IFT22: variants seen among roughly 807,000 people sequenced by gnomAD.
The protein encoded by IFT22 is intraflagellar transport 22, also known as intraflagellar transport protein 22 homolog.
IFT22 carries 13 observed loss-of-function variants against 21.0 expected under a neutral mutation model. That is an observed-to-expected ratio of 0.62 (90% CI 0.40 to 0.98). IFT22 has a LOEUF of 0.98. Among genes scored for constraint, IFT22 ranks in the 50% least tolerant of loss-of-function variants. IFT22 has a pLI of 0.00. For synonymous variants in IFT22, 67 were observed against 82.4 expected, an observed-to-expected ratio of 0.81 and a Z score of 1.01; for missense variants, 227 against 228.9, an observed-to-expected ratio of 0.99 and a Z score of 0.06.
rs900837731 is a variant in IFT22 at position 101,311,282 on chromosome 7, C to A, written c.*3852G>T. On this transcript the variant is annotated 3_prime_UTR_variant, in exon 5 of 5. Transcript: ENST00000315322. ...CTGGGATTACAGGCGTGAGCCACTG[C>A]GCCTGGCCTTGGGTTGTTATACTGG... Among the ~76,000 whole-genome samples the A allele has an allele frequency of 6.6e-6, 1 of 152,068 alleles. No homozygotes were observed. Among genetic ancestry groups the A allele is most frequent in the Non-Finnish European group, 1.5e-5 (1 of 68,024 alleles).
At chr7:101,319,263 C>T (rs1790258560) in intron 1 of IFT22, among the ~76,000 whole-genome samples, 1 of 152,068 alleles carries the variant, frequency 6.6e-6, no homozygotes, top group Non-Finnish European at 1.5e-5. Context: ...TTTTTTGAGA[C>T]AGAGTTTCAC....
chr7:101,320,120 C>T (rs536859062), intron 1 of IFT22, among the ~76,000 whole-genome samples: 16 of 151,840 alleles, frequency 1.1e-4, no homozygotes, highest in Non-Finnish European at 1.6e-4. Context: ...CCAAGCCCAG[C>T]GAATTTTTGT....
In IFT22 at chr7:101,314,752, G is replaced by C. The variant is rs904820236; in HGVS notation, c.*382C>G. 2 of 188,194 alleles carry C rather than the reference G, an allele frequency of 1.1e-5. No homozygotes were observed. The highest frequency in any genetic ancestry group is 2.2e-5 in the Non-Finnish European group (2 of 91,298). 11.7% of individuals were successfully genotyped at this position (188,194 alleles called of 1,614,324 possible). Reference sequence around the variant, plus strand: ...TGCTCAGCCAGTCGGTATTTGTTGGGTGAATCAAGGAATGAAAATCACATT... The same window carrying C: ...TGCTCAGCCAGTCGGTATTTGTTGGCTGAATCAAGGAATGAAAATCACATT... On this transcript the variant is annotated 3_prime_UTR_variant, in exon 5 of 5. Coordinates refer to ENST00000315322, the MANE Select transcript of IFT22 (RefSeq NM_022777.4).
intron 1 of IFT22, 34 bp downstream of exon 1, chr7:101,321,637 C>A: frequency 6.3e-7 from 1 of 1,579,832 alleles, no homozygotes; most frequent in South Asian, 1.1e-5. Flanking sequence ...AGGCCTGCTC[C>A]CCGCTCCCTC....
intron 2 of IFT22, 136 bp downstream of exon 2, chr7:101,318,820 G>T: frequency 3.1e-6 from 2 of 644,132 alleles, no homozygotes; most frequent in Non-Finnish European, 2.8e-6. Flanking sequence ...ATTTTTAGTT[G>T]AGACGGGGTC....
chr7:101,316,144 G>T, intron 4 of IFT22, 196 bp downstream of exon 4: 1 of 569,678 alleles, frequency 1.8e-6, no homozygotes, highest in South Asian at 2.1e-5. Flanking sequence ...GAGTACAGGC[G>T]CCTGCCATCA....
intron 1 of IFT22, among the ~76,000 whole-genome samples, chr7:101,319,690 C>T (rs1385046263): frequency 1.4e-5 from 2 of 138,220 alleles, no homozygotes; most frequent in Non-Finnish European, 3.0e-5. Context: ...GTTGCCCAGG[C>T]TGGAGTACAG....
chr7:101,317,606 T>C (rs1294292845), intron 3 of IFT22, among the ~76,000 whole-genome samples: 2 of 152,046 alleles, frequency 1.3e-5, no homozygotes, highest in East Asian at 3.9e-4. Flanking sequence ...ACCTAATCAC[T>C]AAAGTGTATA....
At position 101,312,817 on chromosome 7, in the gene IFT22, G is replaced by A. The variant is rs1211896981; in HGVS notation, c.*2317C>T. On this transcript the variant is annotated 3_prime_UTR_variant, in exon 5 of 5. Coordinates refer to ENST00000315322, the MANE Select transcript of IFT22 (RefSeq NM_022777.4). ...CCCAAAGTGCTGGGATTACAGGTGT[G>A]AGCCACTCCACTCGGCACTTTTTTC... Among the ~76,000 whole-genome samples the A allele has an allele frequency of 1.3e-5, 2 of 151,604 alleles. No homozygotes were observed. The highest frequency in any genetic ancestry group is 4.8e-5 in the African/African-American group (2 of 41,244).
chr7:101,320,118 A>T (rs1406245970), intron 1 of IFT22, among the ~76,000 whole-genome samples: 1 of 151,206 alleles, frequency 6.6e-6, no homozygotes, highest in Non-Finnish European at 1.5e-5. Context: ...CACCAAGCCC[A>T]GCGAATTTTT....
At chr7:101,320,557 CCTTTTTTT>C in intron 1 of IFT22, among the ~76,000 whole-genome samples, 1 of 130,138 alleles carries the variant, frequency 7.7e-6, no homozygotes, top group South Asian at 2.4e-4. Flanking sequence ...CCGCGCCCGG[CCTTTTTTT>C]TTTTTTTTTT....
In IFT22 at chr7:101,310,988, A is replaced by AT; in HGVS notation, c.*4145_*4146insA. On this transcript the variant is annotated 3_prime_UTR_variant, in exon 5 of 5. Transcript: ENST00000315322. ...TCAGGTGAACAAAATCTGCTGGGTT[A>AT]ATTTTTTTTTTTTTTTTTTTTTTGA... The AT allele has an allele frequency of 2.6e-5, 7 of 264,568 alleles. No individual in the cohort carries two copies. The highest frequency in any genetic ancestry group is 7.2e-5 in the South Asian group (2 of 27,946). 16.4% of individuals were successfully genotyped at this position (264,568 alleles called of 1,614,324 possible).
rs564330193 is a variant in IFT22 at position 101,311,253 on chromosome 7, A to C, written c.*3881T>G. On this transcript the variant is annotated 3_prime_UTR_variant, in exon 5 of 5. Transcript: ENST00000315322. ...TAATCCACCCGCCTCGGCCTCCCAA[A>C]GTGCTGGGATTACAGGCGTGAGCCA... 2.0e-5 allele frequency among the ~76,000 whole-genome samples: 3 copies of C among 152,166 alleles called. No individual in the cohort carries two copies. In the South Asian group the frequency reaches 6.2e-4, roughly 32 times the overall value.
At chr7:101,320,805 C>A (rs1044980956) in intron 1 of IFT22, among the ~76,000 whole-genome samples, 4 of 151,566 alleles carry the variant, frequency 2.6e-5, no homozygotes, top group Admixed American at 6.6e-5. Context: ...GAGTTGGAGA[C>A]CAGCCTAGGT....
At position 101,318,992 on chromosome 7, in the gene IFT22, G is replaced by A; in HGVS notation, c.80C>T (p.Ser27Phe). 1 of 1,614,040 alleles carries A rather than the reference G, an allele frequency of 6.2e-7. No individual in the cohort carries two copies. ...GGTTGGGCTGTATTCAGTGATGTCA[G>A]AAGATTCTGTCAGAAAGTTGGCCAA... is the stretch of plus-strand genomic sequence containing the variant. ...TVLANFLTESSDITEYSPTQG... is the reference protein window; with the variant it reads ...TVLANFLTESFDITEYSPTQG... Residue 27 changes from serine to phenylalanine, a missense_variant, in exon 2 of 5, where the codon TCT becomes TTT. By Grantham distance (155) the Ser-to-Phe change is radical. Coordinates refer to ENST00000315322, the MANE Select transcript of IFT22 (RefSeq NM_022777.4).
At position 101,310,958 on chromosome 7, in the gene IFT22, G is replaced by T. The variant is rs1407063492; in HGVS notation, c.*4176C>A. 2 of 316,764 alleles carry T rather than the reference G, an allele frequency of 6.3e-6. No homozygotes were observed. The highest frequency in any genetic ancestry group is 2.7e-5 in the South Asian group (1 of 37,204). The allele number at this position is 316,764 out of a possible 1,614,324, so 19.6% of individuals were successfully genotyped here. A position where few individuals can be genotyped will look rare whatever the true frequency, so the allele number is the denominator to read the frequency against. ...CAAATATTTAATGGGTTGTACTCTG[G>T]CCATTCAGGTGAACAAAATCTGCTG... On this transcript the variant is annotated 3_prime_UTR_variant, in exon 5 of 5. Transcript: ENST00000315322.
Position 101,314,999 on chromosome 7 carries a change from G to A in IFT22, c.*135C>T. On this transcript the variant is annotated 3_prime_UTR_variant, in exon 5 of 5. Coordinates refer to ENST00000315322, the MANE Select transcript of IFT22 (RefSeq NM_022777.4). Reference sequence around the variant, plus strand: ...TGAGTGAACGCCCTGTGTGACAGGTGCCTTCCTGCAGGTAGGAACACTTCC... The same window carrying A: ...TGAGTGAACGCCCTGTGTGACAGGTACCTTCCTGCAGGTAGGAACACTTCC... The A allele has an allele frequency of 2.2e-6, 2 of 897,688 alleles. No individual in the cohort carries two copies. Among genetic ancestry groups the A allele is most frequent in the Non-Finnish European group, 3.3e-6 (2 of 599,402 alleles). 55.6% of individuals were successfully genotyped at this position (897,688 alleles called of 1,614,324 possible).
At chr7:101,319,204 G>C (rs951188763) in intron 1 of IFT22, 172 bp from the exon 2 acceptor site, 6 of 614,954 alleles carry the variant, frequency 9.8e-6, no homozygotes, top group Admixed American at 7.4e-5. Flanking sequence ...AGTGGGCACA[G>C]CCTGGTCTGG....
upstream of IFT22, chr7:101,321,814 C>CT: frequency 9.6e-7 from 1 of 1,046,650 alleles, no homozygotes; most frequent in Non-Finnish European, 1.2e-6. Context: ...GAGAGGCCCG[C>CT]AGGGCCGACG....
Sources: allele counts gnomAD v4.1 joint callset (sites outside exome capture counted in the v4.1 genomes callset), GRCh38; gene constraint gnomAD v4.1.1; transcripts MANE v1.5; gene names NCBI Gene and HGNC (gene_info 2026-07-23, HGNC 2026-07-21).